ATG7: variants seen among roughly 807,000 people sequenced by gnomAD.
ATG7 encodes autophagy related 7.
A neutral mutation model predicts 82.4 loss-of-function variants in ATG7; 70 were observed. The ratio of observed to expected loss-of-function variants is 0.85; its 90% confidence interval spans 0.70 to 1.04. The LOEUF is 1.04. Ranked by LOEUF, ATG7 falls within the 50% of genes least tolerant of loss-of-function variation. The pLI is 0.00. For missense variants in ATG7, 792 were observed against 864.3 expected, an observed-to-expected ratio of 0.92 and a Z score of 1.05; for synonymous variants, 287 against 313.0, an observed-to-expected ratio of 0.92 and a Z score of 0.88.
At chr3:11,307,184 T>C in intron 6 of ATG7, 124 bp downstream of exon 6, 1 of 864,726 alleles carries the variant, frequency 1.2e-6, no homozygotes. Context: ...AAGACACTTG[T>C]GGGCTTTGGT....
chr3:11,331,563 CAATA>C, intron 10 of ATG7, 135 bp downstream of exon 10: 1 of 784,498 alleles, frequency 1.3e-6, no homozygotes, highest in Non-Finnish European at 2.1e-6. Flanking sequence ...ACCAGGTAAT[CAATA>C]AATCAGTCAT....
At chr3:11,532,449 G>A (rs1303903168) in intron 20 of ATG7, among the ~76,000 whole-genome samples, 1 of 152,174 alleles carries the variant, frequency 6.6e-6, no homozygotes, top group African/African-American at 2.4e-5. Context: ...CAGGCTGGGT[G>A]CAGTGCCTCA....
chr3:11,508,043 A>G (rs369925745), intron 20 of ATG7, among the ~76,000 whole-genome samples: 2 of 152,206 alleles, frequency 1.3e-5, no homozygotes, highest in Non-Finnish European at 1.5e-5. Context: ...TAGGATAAAC[A>G]ACAGCCTCTA....
chr3:11,356,308 C>T (rs1028500717), intron 14 of ATG7, among the ~76,000 whole-genome samples: 1 of 152,190 alleles, frequency 6.6e-6, no homozygotes, highest in Non-Finnish European at 1.5e-5. Context: ...AATTATACCT[C>T]AACTTGGCTA....
At chr3:11,399,074 G>C (rs79205509) in intron 19 of ATG7, among the ~76,000 whole-genome samples, 9,161 of 152,116 alleles carry the variant, frequency 0.06, 297 homozygotes, top group African/African-American at 0.079. Context: ...CAGGCTGGGC[G>C]CAGTGGCTCA....
intron 9 of ATG7, among the ~76,000 whole-genome samples, chr3:11,329,656 A>G (rs114756390): frequency 0.011 from 1,694 of 152,308 alleles, 36 homozygotes; most frequent in African/African-American, 0.038. Flanking sequence ...TAAACTTTTT[A>G]TTTTGGGATA....
chr3:11,419,618 A>T (rs2081747081), intron 19 of ATG7, among the ~76,000 whole-genome samples: 1 of 152,164 alleles, frequency 6.6e-6, no homozygotes, highest in South Asian at 2.1e-4. Context: ...AAATCATTAT[A>T]TGGTGTTGTC....
intron 14 of ATG7, among the ~76,000 whole-genome samples, chr3:11,353,826 C>T (rs900142469): frequency 6.6e-6 from 1 of 152,128 alleles, no homozygotes; most frequent in Non-Finnish European, 1.5e-5. Flanking sequence ...GAACCATAAG[C>T]CAAATAAACC....
At chr3:11,407,589 G>A (rs2080469293) in intron 19 of ATG7, among the ~76,000 whole-genome samples, 1 of 152,178 alleles carries the variant, frequency 6.6e-6, no homozygotes. Context: ...CACCCCTACA[G>A]CAAACTTCAG....
intron 5 of ATG7, among the ~76,000 whole-genome samples, chr3:11,305,750 G>A (rs2152704531): frequency 6.6e-6 from 1 of 152,286 alleles, no homozygotes; most frequent in South Asian, 2.1e-4. Context: ...TGAGGACTTG[G>A]CATTTGAGCC....
At chr3:11,507,732 A>C (rs979859325) in intron 20 of ATG7, among the ~76,000 whole-genome samples, 2 of 152,206 alleles carry the variant, frequency 1.3e-5, no homozygotes, top group Non-Finnish European at 2.9e-5. Flanking sequence ...AGGGTTAAGA[A>C]GCCCTGCTGG....
At chr3:11,571,419 C>CA in the ATG7 span, among the ~76,000 whole-genome samples, 1 of 152,234 alleles carries the variant, frequency 6.6e-6, no homozygotes, top group African/African-American at 2.4e-5. Context: ...TGCAGTGACT[C>CA]ACGCCTGTAA....
intron 20 of ATG7, among the ~76,000 whole-genome samples, chr3:11,497,411 G>A (rs1162428261): frequency 8.6e-6 from 1 of 116,524 alleles, no homozygotes; most frequent in Non-Finnish European, 1.7e-5. Context: ...GCATGGTGGT[G>A]GGTGCCTGTA....
intron 13 of ATG7, among the ~76,000 whole-genome samples, chr3:11,345,569 T>C (rs1020514122): frequency 2.0e-5 from 3 of 152,200 alleles, no homozygotes; most frequent in African/African-American, 7.2e-5. Flanking sequence ...GTATTCTCTT[T>C]TAAATCTTCC....
chr3:11,456,066 G>A (rs532498030), intron 20 of ATG7, among the ~76,000 whole-genome samples: 146 of 152,048 alleles, frequency 9.6e-4, no homozygotes, highest in Non-Finnish European at 1.4e-3. Flanking sequence ...TTGTGTAACC[G>A]TCATTGTCTG....
chr3:11,377,425 C>T (rs1213002050), intron 18 of ATG7, among the ~76,000 whole-genome samples: 1 of 152,254 alleles, frequency 6.6e-6, no homozygotes, highest in East Asian at 1.9e-4. Context: ...TCTTTTTCTT[C>T]TATTCCTCGC....
At chr3:11,516,031 T>TAAA (rs35770722) in intron 20 of ATG7, among the ~76,000 whole-genome samples, 1 of 135,218 alleles carries the variant, frequency 7.4e-6, no homozygotes. Context: ...CATTCCTTTT[T>TAAA]AAAAAAAAAA....
chr3:11,422,740 C>CCTTTTTTTT (rs2082038817), intron 19 of ATG7, among the ~76,000 whole-genome samples: 1 of 49,546 alleles, frequency 2.0e-5, no homozygotes, highest in Admixed American at 3.7e-4. Context: ...TCATTTCTAG[C>CCTTTTTTTT]TTTTTTTTTT....
At chr3:11,450,279 G>A (rs2084981948) in intron 20 of ATG7, among the ~76,000 whole-genome samples, 1 of 152,192 alleles carries the variant, frequency 6.6e-6, no homozygotes, top group East Asian at 1.9e-4. Flanking sequence ...CTACTTTGTA[G>A]TGTCTTTCTT....
Sources: allele counts gnomAD v4.1 joint callset (sites outside exome capture counted in the v4.1 genomes callset), GRCh38; gene constraint gnomAD v4.1.1; transcripts MANE v1.5; gene names NCBI Gene and HGNC (gene_info 2026-07-23, HGNC 2026-07-21).